GPC5: variants seen among roughly 807,000 people sequenced by gnomAD.
GPC5 encodes glypican-5.
GPC5 carries 47 observed loss-of-function variants against 53.9 expected under a neutral mutation model. That is an observed-to-expected ratio of 0.87 (90% CI 0.69 to 1.11). The LOEUF (loss-of-function observed/expected upper bound fraction) is 1.11. Ranked by LOEUF, GPC5 falls within the 50% of genes most tolerant of loss-of-function variation. GPC5 has a pLI of 0.00. For synonymous variants in GPC5, 286 were observed against 263.3 expected, an observed-to-expected ratio of 1.09 and a Z score of -0.84; for missense variants, 748 against 713.1, an observed-to-expected ratio of 1.05 and a Z score of -0.56.
At chr13:91,979,221 AT>A (rs71700647) in intron 6 of GPC5, among the ~76,000 whole-genome samples, 22 of 150,654 alleles carry the variant, frequency 1.5e-4, no homozygotes, top group Admixed American at 3.3e-4. Context: ...GCCCATAGTG[AT>A]TTTTTTTTTA....
intron 7 of GPC5, among the ~76,000 whole-genome samples, chr13:92,748,572 C>T (rs1192726209): frequency 3.3e-5 from 5 of 151,882 alleles, no homozygotes; most frequent in East Asian, 1.9e-4. Context: ...CCACCTGCCT[C>T]GGCCTCCCAA....
rs1015205999 is a variant in GPC5, at chr13:91,411,113, GACAA to G, written c.163+11918_163+11921del. The stretch of plus-strand genomic sequence containing the variant: ...TCAGAGCGAGACTCTGTCTCAAAAA[GACAA>G]ACAAACAAACAAAAAAACACTGGAC... On this transcript the variant is annotated intron_variant, in intron 1 of 7. Transcript: ENST00000377067. 1.8e-4 allele frequency among the ~76,000 whole-genome samples: 27 copies of G among 152,144 alleles called. No homozygotes were observed. In the East Asian group the frequency reaches 3.3e-3, roughly 19 times the overall value.
chr13:92,690,813 G>A (rs1201855017), intron 7 of GPC5, among the ~76,000 whole-genome samples: 2 of 66,326 alleles, frequency 3.0e-5, no homozygotes, highest in African/African-American at 1.2e-4. Flanking sequence ...CAGGTCTGTT[G>A]GAATACCCTG....
At chr13:92,844,883 T>C (rs1878560822) in intron 7 of GPC5, among the ~76,000 whole-genome samples, 1 of 152,190 alleles carries the variant, frequency 6.6e-6, no homozygotes, top group Non-Finnish European at 1.5e-5. Flanking sequence ...AGCTTATCTC[T>C]GGAACTCTAG....
At chr13:91,859,447 T>C (rs2039002423) in intron 5 of GPC5, among the ~76,000 whole-genome samples, 1 of 151,992 alleles carries the variant, frequency 6.6e-6, no homozygotes, top group Admixed American at 6.6e-5. Flanking sequence ...GGCCAATAGA[T>C]TAGAAAACCT....
intron 7 of GPC5, among the ~76,000 whole-genome samples, chr13:92,356,253 A>T (rs1485532365): frequency 6.6e-6 from 1 of 152,154 alleles, no homozygotes; most frequent in Non-Finnish European, 1.5e-5. Context: ...GGGTGGCGGG[A>T]GAGGAATGAA....
chr13:92,560,102 G>A lies in GPC5; in HGVS notation c.1562-306180G>A, dbSNP rs141161461. ...GGCATGAATGAAAGACAATTATTAA[G>A]TAAAGCAATTATCTTAAATATTATT... is the stretch of plus-strand genomic sequence containing the variant. On this transcript the variant is annotated intron_variant, in intron 7 of 7. Transcript: ENST00000377067. Among the ~76,000 whole-genome samples the A allele has an allele frequency of 3.4e-3, 515 of 151,802 alleles. 1 individual carries two copies. Among genetic ancestry groups the A allele is most frequent in the African/African-American group, 0.012 (478 of 41,418 alleles).
intron 3 of GPC5, among the ~76,000 whole-genome samples, chr13:91,707,968 T>G (rs1204274985): frequency 6.6e-6 from 1 of 152,184 alleles, no homozygotes; most frequent in Non-Finnish European, 1.5e-5. Flanking sequence ...GAATATTTTT[T>G]GGTAATAAAA....
chr13:91,766,027 A>G (rs930585581), intron 5 of GPC5, among the ~76,000 whole-genome samples: 2 of 152,232 alleles, frequency 1.3e-5, no homozygotes, highest in African/African-American at 4.8e-5. Flanking sequence ...AATAAAAATA[A>G]CTTTGTCACT....
chr13:92,512,731 G>A (rs1320530254), intron 7 of GPC5, among the ~76,000 whole-genome samples: 2 of 152,168 alleles, frequency 1.3e-5, no homozygotes, highest in African/African-American at 2.4e-5. Context: ...TCAATCATCT[G>A]AAATTCACAT....
intron 5 of GPC5, among the ~76,000 whole-genome samples, chr13:91,854,670 C>G (rs1352897161): frequency 6.6e-6 from 1 of 151,674 alleles, no homozygotes; most frequent in Non-Finnish European, 1.5e-5. Context: ...CAAGCAAGTA[C>G]TCTCTCATCC....
At chr13:91,447,566 G>A (rs940830534) in intron 1 of GPC5, among the ~76,000 whole-genome samples, 5 of 152,120 alleles carry the variant, frequency 3.3e-5, no homozygotes, top group Non-Finnish European at 7.4e-5. Flanking sequence ...GAAGCTCAGA[G>A]TGGTTTCATA....
At chr13:92,858,756 A>G (rs72632638) in intron 7 of GPC5, among the ~76,000 whole-genome samples, 10,123 of 152,142 alleles carry the variant, frequency 0.067, 666 homozygotes, top group East Asian at 0.33. Context: ...CCTCAATATC[A>G]CATAATATAC....
intron 7 of GPC5, among the ~76,000 whole-genome samples, chr13:92,268,126 A>G (rs2139151177): frequency 6.6e-6 from 1 of 151,188 alleles, no homozygotes; most frequent in East Asian, 1.9e-4. Context: ...TAAAAAAAAA[A>G]TCGCAAATGA....
chr13:91,761,069 T>C (rs2037400540), intron 5 of GPC5, among the ~76,000 whole-genome samples: 2 of 152,154 alleles, frequency 1.3e-5, no homozygotes, highest in Admixed American at 1.3e-4. Context: ...ATGTTAGTCT[T>C]TGTTCTCAGT....
intron 2 of GPC5, among the ~76,000 whole-genome samples, chr13:91,583,838 AC>A (rs1444576303): frequency 6.6e-6 from 1 of 152,218 alleles, no homozygotes; most frequent in African/African-American, 2.4e-5. Context: ...TGCAATACTT[AC>A]CAGTGTACCA....
intron 7 of GPC5, among the ~76,000 whole-genome samples, chr13:92,859,507 A>G (rs1879112746): frequency 6.6e-6 from 1 of 152,040 alleles, no homozygotes; most frequent in Non-Finnish European, 1.5e-5. Flanking sequence ...ATAAGATATA[A>G]AATTTTCTAA....
At chr13:91,854,217 A>G (rs1380997852) in intron 5 of GPC5, among the ~76,000 whole-genome samples, 7 of 151,868 alleles carry the variant, frequency 4.6e-5, no homozygotes, top group African/African-American at 1.7e-4. Flanking sequence ...TTGCAGAACA[A>G]ATAAAGATAT....
intron 6 of GPC5, among the ~76,000 whole-genome samples, chr13:92,038,240 G>A (rs536116062): frequency 6.6e-6 from 1 of 151,866 alleles, no homozygotes; most frequent in Non-Finnish European, 1.5e-5. Flanking sequence ...GGTGTAACAA[G>A]TTTTGGGTTA....
Sources: allele counts gnomAD v4.1 joint callset (sites outside exome capture counted in the v4.1 genomes callset), GRCh38; gene constraint gnomAD v4.1.1; transcripts MANE v1.5; gene names NCBI Gene and HGNC (gene_info 2026-07-23, HGNC 2026-07-21).